The following TRIM37 variants were observed in gnomAD, a reference collection of about 807,000 sequenced individuals.
The protein encoded by TRIM37 is tripartite motif containing 37, also known as E3 ubiquitin-protein ligase TRIM37.
TRIM37 carries 80 observed loss-of-function variants against 129.8 expected under a neutral mutation model. The observed-to-expected ratio is 0.62, with a 90% CI of 0.51 to 0.74. The LOEUF is 0.74. Among genes scored for constraint, TRIM37 ranks in the 30% least tolerant of loss-of-function variants. The probability of loss-of-function intolerance (pLI) is 0.00; values close to 1 mark genes in which losing one functional copy is unlikely to be tolerated. For missense variants in TRIM37, 1,054 were observed against 1,176.5 expected (o/e 0.90, Z 1.52); for synonymous variants, 389 against 387.1 (o/e 1.00, Z -0.06).
chr17:58,982,546 G>A, downstream of TRIM37: 1 of 227,770 alleles, frequency 4.4e-6, no homozygotes. Flanking sequence ...GCCCATAACA[G>A]AGGACTAAAA....
At chr17:59,001,820 T>A in intron 22 of TRIM37, 106 bp from the exon 23 acceptor site, 2 of 1,477,546 alleles carry the variant, frequency 1.4e-6, no homozygotes, top group East Asian at 2.4e-5. Context: ...GAATTTTACA[T>A]GGAATGCCAA....
rs1291459589 is a variant in TRIM37, at chr17:59,088,344, A to G, written c.228T>C (p.Leu76=). The G allele has an allele frequency of 6.2e-7, 1 of 1,613,810 alleles. No individual in the cohort carries two copies. Among genetic ancestry groups the G allele is most frequent in the African/African-American group, 1.3e-5 (1 of 75,024 alleles). The change falls in exon 4 of 24, where the codon CTT becomes CTC. Residue 76 remains leucine, a synonymous_variant. Coordinates refer to ENST00000262294, the MANE Select transcript of TRIM37 (RefSeq NM_015294.6). ...TGAGACTGCAGAGTTGAAGAGTATC[A>G]AGCTGTTGTGTTACTTCTTCTGCCC... is the stretch of plus-strand genomic sequence containing the variant. ...CRWAEEVTQQ[L]DTLQLCSLTK...
intron 22 of TRIM37, among the ~76,000 whole-genome samples, chr17:59,009,028 C>G (rs1293574867): frequency 6.6e-6 from 1 of 152,232 alleles, no homozygotes; most frequent in Non-Finnish European, 1.5e-5. Context: ...TTAGGATGAT[C>G]TTTCCAAGGG....
intron 12 of TRIM37, chr17:59,059,127 T>G (rs1484774473): frequency 1.3e-5 from 2 of 152,076 alleles, no homozygotes; most frequent in Non-Finnish European, 2.9e-5. Flanking sequence ...ATCCCAGCAT[T>G]TTGGGAGGCT....
At chr17:58,996,819 T>G (rs1567922106), downstream of TRIM37, among the ~76,000 whole-genome samples, 2 of 151,438 alleles carry the variant, frequency 1.3e-5, no homozygotes, top group African/African-American at 4.9e-5. Context: ...TGTGTGTGTG[T>G]GTATGTATGT....
intron 9 of TRIM37, among the ~76,000 whole-genome samples, chr17:59,064,617 AAAG>A (rs1472092127): frequency 6.6e-6 from 1 of 152,144 alleles, no homozygotes; most frequent in Non-Finnish European, 1.5e-5. Flanking sequence ...ATACTTTATA[AAAG>A]TTTTTTGGCT....
At chr17:58,976,440 G>A in the TRIM37 span, among the ~76,000 whole-genome samples, 1 of 152,104 alleles carries the variant, frequency 6.6e-6, no homozygotes, top group Non-Finnish European at 1.5e-5. Flanking sequence ...GAAACCACAT[G>A]GAATAAAATG....
At chr17:59,035,391 T>C (rs530815678) in intron 17 of TRIM37, among the ~76,000 whole-genome samples, 2 of 152,218 alleles carry the variant, frequency 1.3e-5, no homozygotes, top group South Asian at 2.1e-4. Context: ...CATTTATGAA[T>C]ATATCCAATT....
intron 9 of TRIM37, among the ~76,000 whole-genome samples, chr17:59,066,734 T>G (rs747443316): frequency 1.3e-5 from 2 of 152,210 alleles, no homozygotes; most frequent in Non-Finnish European, 2.9e-5. Flanking sequence ...AATAGTATAA[T>G]GACAAATTAG....
At chr17:59,027,576 A>G (rs1378727885) in intron 19 of TRIM37, among the ~76,000 whole-genome samples, 2 of 152,180 alleles carry the variant, frequency 1.3e-5, no homozygotes, top group Non-Finnish European at 2.9e-5. Context: ...ATGCCATCAT[A>G]TTTCACACAA....
intron 21 of TRIM37, among the ~76,000 whole-genome samples, chr17:59,013,043 C>A (rs748218614): frequency 7.2e-5 from 11 of 152,012 alleles, no homozygotes; most frequent in Non-Finnish European, 1.6e-4. Flanking sequence ...TTTCTTACAA[C>A]TGAATGTGAA....
At chr17:59,096,549 C>CAAAAAAAAA (rs11463387) in intron 2 of TRIM37, among the ~76,000 whole-genome samples, 1 of 90,784 alleles carries the variant, frequency 1.1e-5, no homozygotes, top group Non-Finnish European at 2.1e-5. Context: ...GACTCTGTCT[C>CAAAAAAAAA]AAAAAAAAAA....
intron 13 of TRIM37, among the ~76,000 whole-genome samples, chr17:59,051,969 T>A (rs2040396645): frequency 6.6e-6 from 1 of 152,142 alleles, no homozygotes; most frequent in Non-Finnish European, 1.5e-5. Context: ...CGTTCCCGTA[T>A]TTCCTGCCCC....
chr17:59,031,864 A>G, intron 18 of TRIM37, 32 bp downstream of exon 18: 1 of 1,610,210 alleles, frequency 6.2e-7, no homozygotes. Context: ...GAACCACAGA[A>G]AAAAAGGAAA....
At chr17:59,037,163 G>A (rs1288609352) in intron 17 of TRIM37, among the ~76,000 whole-genome samples, 2 of 151,746 alleles carry the variant, frequency 1.3e-5, no homozygotes, top group East Asian at 1.9e-4. Flanking sequence ...TAAACCATTC[G>A]AGGCTTGAAA....
At position 59,106,729 on chromosome 17, in the gene TRIM37, C is replaced by G. The variant is rs1020450808; in HGVS notation, c.-268G>C. 4.4e-5 allele frequency: 25 copies of G among 572,348 alleles called. No individual in the cohort carries two copies. The highest frequency in any genetic ancestry group is 6.8e-5 in the Non-Finnish European group (22 of 322,056). 35.5% of individuals were successfully genotyped at this position (572,348 alleles called of 1,614,324 possible). Reference sequence around the variant, plus strand: ...AGCTCCTTTCTCCCGGCTCAGCCGCCGGCCAGCAGCCGCGCCGGAACCTCG... The same window carrying G: ...AGCTCCTTTCTCCCGGCTCAGCCGCGGGCCAGCAGCCGCGCCGGAACCTCG... On this transcript the variant is annotated 5_prime_UTR_variant, in exon 1 of 24. Transcript: ENST00000262294.
chr17:59,028,946 G>A (rs1462948460), intron 18 of TRIM37, among the ~76,000 whole-genome samples: 4 of 151,998 alleles, frequency 2.6e-5, no homozygotes, highest in East Asian at 3.9e-4. Context: ...ACTCAAGTTC[G>A]AATTACACAT....
chr17:59,088,432 C>T (rs764895087), intron 3 of TRIM37, 25 bp from the exon 4 acceptor site: 1 of 1,268,600 alleles, frequency 7.9e-7, no homozygotes, highest in African/African-American at 1.5e-5. Flanking sequence ...CATACACATA[C>T]ACTAATTCAG....
At position 59,017,373 on chromosome 17, in the gene TRIM37, C is replaced by T. The variant is rs1431395394; in HGVS notation, c.2309G>A (p.Gly770Asp). The T allele has an allele frequency of 5.0e-6, 8 of 1,614,002 alleles. No homozygotes were observed. Among genetic ancestry groups the T allele is most frequent in the South Asian group, 2.2e-5 (2 of 91,092 alleles). Residue 770 changes from glycine (G) to aspartate (D), a missense_variant, in exon 20 of 24, where the codon GGT becomes GAT. Coordinates refer to ENST00000262294, the MANE Select transcript of TRIM37 (RefSeq NM_015294.6). ...SPKPARSSVA[G>D]SLSLRRAVDP... ...CACTGCTCTTCGAAGTGATAGACTA[C>T]CTGCTACACTGGATCGAGCTGGCTT... is the stretch of plus-strand genomic sequence containing the variant.
Sources: allele counts gnomAD v4.1 joint callset (sites outside exome capture counted in the v4.1 genomes callset), GRCh38; gene constraint gnomAD v4.1.1; transcripts MANE v1.5; gene names NCBI Gene and HGNC (gene_info 2026-07-23, HGNC 2026-07-21).